The following OSGIN1 variants were observed in gnomAD, a reference collection of about 807,000 sequenced individuals.
OSGIN1 encodes oxidative stress induced growth inhibitor 1.
A neutral mutation model predicts 20.1 loss-of-function variants in OSGIN1; 19 were observed. The observed-to-expected ratio is 0.95, with a 90% confidence interval of 0.66 to 1.39. The LOEUF (loss-of-function observed/expected upper bound fraction) is 1.39. Ranked by LOEUF, OSGIN1 falls within the 40% of genes most tolerant of loss-of-function variation. OSGIN1 has a pLI of 0.00. For synonymous variants in OSGIN1, 368 were observed against 297.8 expected, an observed-to-expected ratio of 1.24 and a Z score of -2.43; for missense variants, 820 against 653.0, an observed-to-expected ratio of 1.26 and a Z score of -2.79.
chr16:83,955,921 G>A (rs1322709025), intron 1 of OSGIN1, among the ~76,000 whole-genome samples: 7 of 152,058 alleles, frequency 4.6e-5, no homozygotes, highest in Non-Finnish European at 8.8e-5. Flanking sequence ...TGGCCCCCAC[G>A]CCAGTGGAGG....
rs1031385317 is a variant in OSGIN1, at chr16:83,965,560, G to A, written c.987G>A (p.Leu329=). Reference sequence around the variant, plus strand: ...ACCCTGGCCTGGTGTTCAACCAGCTGCCCAAGATGCTGTACCCCGAGTACC... The same window carrying A: ...ACCCTGGCCTGGTGTTCAACCAGCTACCCAAGATGCTGTACCCCGAGTACC... ...VDDPGLVFNQ[L]PKMLYPEYHK... Residue 329 remains leucine (L), a synonymous_variant, in exon 6 of 6, where the codon CTG becomes CTA. Coordinates refer to ENST00000393306, the MANE Select transcript of OSGIN1 (RefSeq NM_182981.3). 1.9e-6 allele frequency: 3 copies of A among 1,612,894 alleles called. No homozygotes were observed. Among genetic ancestry groups the A allele is most frequent in the Admixed American group, 1.7e-5 (1 of 60,012 alleles).
In OSGIN1 at chr16:83,965,145, A is replaced by T; in HGVS notation, c.572A>T (p.Asn191Ile). The T allele has an allele frequency of 3.1e-6, 5 of 1,613,416 alleles. No individual in the cohort carries two copies. The South Asian group carries it at 4.4e-5, about 14-fold the overall frequency. Reference sequence around the variant, plus strand: ...GTGGTCAAGAAGGGTCTGGGGCATAACTTTGTGTCCGGTGCTGTAGTCACA... The same window carrying T: ...GTGGTCAAGAAGGGTCTGGGGCATATCTTTGTGTCCGGTGCTGTAGTCACA... Reference protein sequence around the residue: ...DYVVKKGLGHNFVSGAVVTAV... With the variant: ...DYVVKKGLGHIFVSGAVVTAV... The change falls in exon 6 of 6, where the codon AAC (asparagine) becomes ATC (isoleucine). Residue 191 changes from asparagine to isoleucine, a missense_variant. Physicochemically the swap from Asn to Ile is moderately radical, Grantham distance 149. Transcript: ENST00000393306.
At chr16:83,956,053 G>A (rs1597175784) in intron 1 of OSGIN1, among the ~76,000 whole-genome samples, 1 of 152,334 alleles carries the variant, frequency 6.6e-6, no homozygotes, top group East Asian at 1.9e-4. Flanking sequence ...AGACAGAGGT[G>A]ACAGGGCTCA....
At chr16:83,960,437 G>A (rs896019004) in intron 3 of OSGIN1, 132 bp from the exon 4 acceptor site, 65 of 676,464 alleles carry the variant, frequency 9.6e-5, no homozygotes, top group East Asian at 7.3e-4. Context: ...CCCAGGGTGC[G>A]CATCTCTCTG....
rs369392211 is a variant in OSGIN1 at position 83,965,334 on chromosome 16, G to T, written c.761G>T (p.Arg254Leu). The change falls in exon 6 of 6, where the codon CGG becomes CTG. Residue 254 changes from arginine to leucine, a missense_variant. Transcript: ENST00000393306. ...LATGTFDSPARLGIPGEALPF... is the reference protein window; with the variant it reads ...LATGTFDSPALLGIPGEALPF... ...ACAGGCACGTTCGACAGCCCGGCCC[G>T]GCTGGGCATCCCCGGGGAGGCCCTG... 6.4e-7 allele frequency: 1 copy of T among 1,573,980 alleles called. No individual in the cohort carries two copies. The highest frequency in any genetic ancestry group is 8.6e-7 in the Non-Finnish European group (1 of 1,160,592).
intron 1 of OSGIN1, chr16:83,957,156 A>T (rs1908968572): frequency 6.3e-6 from 1 of 158,114 alleles, no homozygotes; most frequent in South Asian, 1.6e-4. Flanking sequence ...ACAGATGAGG[A>T]AACTGAGACC....
chr16:83,962,290 G>A (rs1463246566), intron 5 of OSGIN1, among the ~76,000 whole-genome samples: 1 of 152,200 alleles, frequency 6.6e-6, no homozygotes, highest in Non-Finnish European at 1.5e-5. Context: ...CCAGGCTGGA[G>A]TGCAGTGGCG....
At chr16:83,960,477 GC>G in intron 3 of OSGIN1, 91 bp from the exon 4 acceptor site, 1 of 996,856 alleles carries the variant, frequency 1.0e-6, no homozygotes, top group Non-Finnish European at 1.5e-6. Flanking sequence ...AAATGGCCCG[GC>G]CCCAGTCCCC....
chr16:83,966,006 A>G lies in OSGIN1; in HGVS notation c.1433A>G (p.Ter478=), dbSNP rs1157887309. The change falls in exon 6 of 6, where the codon TAA becomes TGA. Residue 478 remains the stop codon, a stop_retained_variant. Transcript: ENST00000393306. ...LLRKETRKPP[*] ...AGGAAGGAGACCAGGAAGCCACCCT[A>G]ACACTCGGCCAGACCCGCTGGCTCC... is the stretch of plus-strand genomic sequence containing the variant. 4 of 1,554,400 alleles carry G rather than the reference A, an allele frequency of 2.6e-6. No homozygotes were observed. The highest frequency in any genetic ancestry group is 3.5e-6 in the Non-Finnish European group (4 of 1,151,436).
intron 2 of OSGIN1, among the ~76,000 whole-genome samples, chr16:83,958,222 G>A (rs1049188885): frequency 2.6e-5 from 4 of 152,196 alleles, no homozygotes; most frequent in South Asian, 2.1e-4. Flanking sequence ...GCCATTGAGC[G>A]TTTACTATGT....
Position 83,957,629 on chromosome 16 carries a change from C to T in OSGIN1, c.-32-11C>T, listed in dbSNP as rs1178756417. Reference sequence around the variant, plus strand: ...CGAATGGACTCTTCCTTCCCCTCTCCCCCACTCCAGGTCCGCTGCCAGCCC... The same window carrying T: ...CGAATGGACTCTTCCTTCCCCTCTCTCCCACTCCAGGTCCGCTGCCAGCCC... On this transcript the variant is annotated splice_polypyrimidine_tract_variant and intron_variant, in intron 1 of 5. Transcript: ENST00000393306. 3 of 1,416,896 alleles carry T rather than the reference C, an allele frequency of 2.1e-6. No individual in the cohort carries two copies. The highest frequency in any genetic ancestry group is 3.0e-6 in the Non-Finnish European group (3 of 1,016,254). 87.8% of individuals were successfully genotyped at this position (1,416,896 alleles called of 1,614,324 possible).
Position 83,953,358 on chromosome 16 carries a change from C to G in OSGIN1, c.-45C>G. 7.8e-7 allele frequency: 1 copy of G among 1,288,882 alleles called. No homozygotes were observed. Among genetic ancestry groups the G allele is most frequent in the Non-Finnish European group, 1.0e-6 (1 of 988,526 alleles). 79.8% of individuals were successfully genotyped at this position (1,288,882 alleles called of 1,614,324 possible). On this transcript the variant is annotated 5_prime_UTR_variant, in exon 1 of 6. Coordinates refer to ENST00000393306, the MANE Select transcript of OSGIN1 (RefSeq NM_182981.3). ...GGCCGGGCTCACTGGGCTCCTGCAC[C>G]ACTGCCTGTCAGGTGAGTGTCCGGG...
Position 83,961,590 on chromosome 16 carries a change from G to A in OSGIN1, c.488+518G>A, listed in dbSNP as rs180971646. ...CCCACAGTGAGCCCGTGAGCCAGAG[G>A]TACAGGGGCTTCAGAGTGCATCTGG... On this transcript the variant is annotated intron_variant, in intron 5 of 5. Coordinates refer to ENST00000393306, the MANE Select transcript of OSGIN1 (RefSeq NM_182981.3). 3.9e-5 allele frequency among the ~76,000 whole-genome samples: 6 copies of A among 152,288 alleles called. No homozygotes were observed. In the East Asian group the frequency reaches 7.7e-4, roughly 20 times the overall value.
At chr16:83,959,160 G>T (rs144084734) in intron 2 of OSGIN1, 100 bp from the exon 3 acceptor site, 7 of 789,064 alleles carry the variant, frequency 8.9e-6, no homozygotes, top group Non-Finnish European at 1.5e-5. Flanking sequence ...ATGAATGAAG[G>T]ATAAATGAAT....
intron 5 of OSGIN1, chr16:83,961,368 G>C: frequency 2.5e-6 from 1 of 400,334 alleles, no homozygotes; most frequent in Non-Finnish European, 4.6e-6. Context: ...GGGCTTCCAG[G>C]TCGCAGGTAG....
chr16:83,960,336 G>A (rs1173535226), intron 3 of OSGIN1, among the ~76,000 whole-genome samples: 3 of 152,152 alleles, frequency 2.0e-5, no homozygotes, highest in Non-Finnish European at 4.4e-5. Context: ...CCAGGCAATC[G>A]CTCCAGTCTC....
chr16:83,954,846 C>A, intron 1 of OSGIN1: 1 of 609,280 alleles, frequency 1.6e-6, no homozygotes, highest in Non-Finnish European at 2.1e-6. Flanking sequence ...CTGCAAATGC[C>A]CTTCTTGGGG....
At position 83,966,054 on chromosome 16, in the gene OSGIN1, GACCA is replaced by G; in HGVS notation, c.*48_*51del. ...TCCCAGGCCCTGAGAGGACAGAGAT[GACCA>G]CATCCCTGCTGGATGCAGGACCCGT... On this transcript the variant is annotated 3_prime_UTR_variant, in exon 6 of 6. Transcript: ENST00000393306. 2 of 1,382,362 alleles carry G rather than the reference GACCA, an allele frequency of 1.4e-6. No individual in the cohort carries two copies. Among genetic ancestry groups the G allele is most frequent in the Non-Finnish European group, 1.9e-6 (2 of 1,036,450 alleles). The allele number at this position is 1,382,362 out of a possible 1,614,324, so 85.6% of individuals were successfully genotyped here.
chr16:83,958,645 C>T (rs533048543), intron 2 of OSGIN1, among the ~76,000 whole-genome samples: 97 of 152,294 alleles, frequency 6.4e-4, no homozygotes, highest in African/African-American at 2.3e-3. Flanking sequence ...AAAAGAGAAG[C>T]GCTATCACAG....
Sources: gnomAD v4.1 joint callset for allele counts (sites outside exome capture counted in the v4.1 genomes callset) on GRCh38, gnomAD v4.1.1 for gene constraint, MANE v1.5 for transcripts, NCBI Gene and HGNC (gene_info 2026-07-23, HGNC 2026-07-21) for gene names.